Variants in DTNB observed in about 807,000 individuals in gnomAD.
DTNB encodes DTN-B.
DTNB carries 63 observed loss-of-function variants against 90.7 expected under a neutral mutation model. That is an observed-to-expected ratio of 0.69 (90% CI 0.57 to 0.86). DTNB has a LOEUF of 0.86. Among genes scored for constraint, DTNB ranks in the 40% least tolerant of loss-of-function variants. The probability of loss-of-function intolerance (pLI) is 0.00; values close to 1 mark genes in which losing one functional copy is unlikely to be tolerated. For missense variants in DTNB, 744 were observed against 807.1 expected (o/e 0.92, Z 0.95); for synonymous variants, 277 against 286.7 (o/e 0.97, Z 0.34).
At chr2:25,539,392 C>G (rs1335495344) in intron 8 of DTNB, among the ~76,000 whole-genome samples, 3 of 152,172 alleles carry the variant, frequency 2.0e-5, no homozygotes, top group Non-Finnish European at 4.4e-5. Context: ...TTCTGGCCAA[C>G]TGTTATTGCC....
At chr2:25,587,037 G>A (rs1389220747) in intron 6 of DTNB, among the ~76,000 whole-genome samples, 1 of 152,104 alleles carries the variant, frequency 6.6e-6, no homozygotes, top group Non-Finnish European at 1.5e-5. Flanking sequence ...ATGGCCCTGT[G>A]GCAACAGCTA....
At chr2:25,488,413 G>C (rs1344633531) in intron 9 of DTNB, among the ~76,000 whole-genome samples, 1 of 152,144 alleles carries the variant, frequency 6.6e-6, no homozygotes, top group East Asian at 1.9e-4. Flanking sequence ...GGTTGGAAAG[G>C]AGGAGGGATG....
intron 9 of DTNB, among the ~76,000 whole-genome samples, chr2:25,528,121 G>C (rs2077499454): frequency 6.6e-6 from 1 of 151,986 alleles, no homozygotes; most frequent in Non-Finnish European, 1.5e-5. Context: ...TACAATAACA[G>C]AATAAAGAAA....
At chr2:25,388,181 A>G (rs1290922538) in intron 17 of DTNB, 21 bp downstream of exon 17, 1 of 1,553,686 alleles carries the variant, frequency 6.4e-7, no homozygotes, top group East Asian at 2.4e-5. Context: ...CTCCCCGCTG[A>G]ACTCTGCTCC....
chr2:25,572,431 C>T (rs2060011747), intron 8 of DTNB, among the ~76,000 whole-genome samples: 2 of 150,640 alleles, frequency 1.3e-5, no homozygotes, highest in South Asian at 2.1e-4. Context: ...CGCGCCACTG[C>T]ACTCCAGCCT....
chr2:25,463,951 AC>A (rs1352503868), intron 10 of DTNB, among the ~76,000 whole-genome samples: 1 of 152,188 alleles, frequency 6.6e-6, no homozygotes, highest in Non-Finnish European at 1.5e-5. Context: ...CCCAGGCTGC[AC>A]TGGAGTGCAG....
chr2:25,655,034 A>G (rs954169364), intron 1 of DTNB, among the ~76,000 whole-genome samples: 2 of 152,246 alleles, frequency 1.3e-5, no homozygotes, highest in African/African-American at 4.8e-5. Flanking sequence ...GAACAGGTGC[A>G]GCAGACCCTG....
chr2:25,434,129 C>T, intron 12 of DTNB, 134 bp from the exon 13 acceptor site: 1 of 739,042 alleles, frequency 1.4e-6, no homozygotes, highest in South Asian at 1.9e-5. Context: ...TTTAAGTATA[C>T]AATTCAATGA....
At chr2:25,579,276 A>G (rs941523796) in intron 7 of DTNB, among the ~76,000 whole-genome samples, 2 of 152,242 alleles carry the variant, frequency 1.3e-5, no homozygotes, top group Admixed American at 6.5e-5. Flanking sequence ...GTTTTAGTCT[A>G]GAGAGATTCT....
At position 25,526,362 on chromosome 2, in the gene DTNB, A is replaced by AATATATAT. The variant is rs1273988960; in HGVS notation, c.1001+5103_1001+5110dup. 9.0e-5 allele frequency among the ~76,000 whole-genome samples: 9 copies of AATATATAT among 99,790 alleles called. 1 individual carries two copies. Among genetic ancestry groups the AATATATAT allele is most frequent in the African/African-American group, 3.4e-4 (8 of 23,192 alleles). The allele number at this position is 99,790 out of a possible 152,430, so 65.5% of individuals were successfully genotyped here. On this transcript the variant is annotated intron_variant, in intron 9 of 20. Transcript: ENST00000406818. ...ACAATAGCACTTATAAATATATATA[A>AATATATAT]ATATATATATATATATATATATATA...
chr2:25,470,623 C>T (rs996180311), intron 10 of DTNB, among the ~76,000 whole-genome samples: 4 of 152,052 alleles, frequency 2.6e-5, no homozygotes, highest in African/African-American at 9.7e-5. Context: ...GTGATCCACC[C>T]GCCTTGGCCT....
intron 15 of DTNB, among the ~76,000 whole-genome samples, chr2:25,423,331 C>G (rs1038982920): frequency 6.6e-6 from 1 of 152,064 alleles, no homozygotes; most frequent in African/African-American, 2.4e-5. Flanking sequence ...GTTAAAGAAA[C>G]AAAAAAATTA....
chr2:25,587,244 T>C (rs941773704), intron 6 of DTNB, among the ~76,000 whole-genome samples: 1 of 152,212 alleles, frequency 6.6e-6, no homozygotes, highest in Non-Finnish European at 1.5e-5. Context: ...CAGAACTGTA[T>C]TGCAAAATGA....
Position 25,652,635 on chromosome 2 carries a change from C to G in DTNB, c.26G>C (p.Arg9Pro). The G allele has an allele frequency of 6.2e-7, 1 of 1,612,776 alleles. No homozygotes were observed. The highest frequency in any genetic ancestry group is 2.2e-5 in the East Asian group (1 of 44,800). ...CTGCCTCTTCTCTGCCATGGTCTTC[C>G]GCTTGTTCCCACTTTCCTCAATCAT... Reference protein sequence around the residue: MIEESGNKRKTMAEKRQLF... With the variant: MIEESGNKPKTMAEKRQLF... The change falls in exon 2 of 21, where the codon CGG (arginine) becomes CCG (proline). Residue 9 changes from arginine (R) to proline (P), a missense_variant. Arg to Pro is a moderately radical substitution (Grantham distance 103). Transcript: ENST00000406818.
chr2:25,511,486 C>A (rs950542131), intron 9 of DTNB, among the ~76,000 whole-genome samples: 2 of 152,230 alleles, frequency 1.3e-5, no homozygotes, highest in Admixed American at 1.3e-4. Flanking sequence ...CGCCTACCAC[C>A]ATGCCCAGCT....
intron 5 of DTNB, among the ~76,000 whole-genome samples, chr2:25,605,003 G>A (rs2066787333): frequency 1.3e-5 from 2 of 152,226 alleles, no homozygotes; most frequent in South Asian, 4.1e-4. Context: ...ACAGGCATGA[G>A]CCACTGCACC....
At chr2:25,487,692 A>G (rs572842974) in intron 9 of DTNB, among the ~76,000 whole-genome samples, 4 of 152,232 alleles carry the variant, frequency 2.6e-5, no homozygotes, top group Non-Finnish European at 5.9e-5. Flanking sequence ...TTCCAGATAC[A>G]GAAAAAGAAT....
At chr2:25,559,627 C>T (rs1014228217) in intron 8 of DTNB, among the ~76,000 whole-genome samples, 2 of 152,140 alleles carry the variant, frequency 1.3e-5, no homozygotes, top group African/African-American at 2.4e-5. Context: ...GGATGAATGA[C>T]GGCCCCCCAA....
intron 7 of DTNB, among the ~76,000 whole-genome samples, chr2:25,580,088 TCTC>T (rs1228518899): frequency 6.7e-6 from 1 of 148,612 alleles, no homozygotes; most frequent in Admixed American, 6.8e-5. Context: ...TTCAAGCAAT[TCTC>T]CTGCCTCAGC....
Sources: allele counts gnomAD v4.1 joint callset (sites outside exome capture counted in the v4.1 genomes callset), GRCh38; gene constraint gnomAD v4.1.1; transcripts MANE v1.5; gene names NCBI Gene and HGNC (gene_info 2026-07-23, HGNC 2026-07-21).